The following NALF1 variants were observed in gnomAD, a reference collection of about 807,000 sequenced individuals.
NALF1 encodes the protein family with sequence similarity 155 member A.
In NALF1, 3 loss-of-function variants were observed where a neutral mutation model predicts 48.4. The ratio of observed to expected loss-of-function variants is 0.06; its 90% CI spans 0.03 to 0.16. The LOEUF is 0.16. NALF1 is among the 10% of genes least tolerant of loss of function. The pLI is 1.00. For synonymous variants in NALF1, 262 were observed against 245.7 expected, an observed-to-expected ratio of 1.07 and a Z score of -0.62; for missense variants, 526 against 571.5, an observed-to-expected ratio of 0.92 and a Z score of 0.81.
At chr13:107,654,142 A>T (rs1016635597) in intron 1 of NALF1, among the ~76,000 whole-genome samples, 4 of 152,136 alleles carry the variant, frequency 2.6e-5, no homozygotes, top group African/African-American at 7.2e-5. Flanking sequence ...CATTAGTGAG[A>T]TTATCCAAGA....
chr13:107,263,797 C>G (rs185224359), intron 1 of NALF1, among the ~76,000 whole-genome samples: 78 of 152,286 alleles, frequency 5.1e-4, no homozygotes, highest in Non-Finnish European at 9.6e-4. Flanking sequence ...TGGACTAAGA[C>G]AATGGTCTGT....
chr13:107,846,296 G>A (rs1880170723), intron 1 of NALF1, among the ~76,000 whole-genome samples: 1 of 152,128 alleles, frequency 6.6e-6, no homozygotes, highest in Admixed American at 6.5e-5. Flanking sequence ...TCTGTCAGAC[G>A]GGAGTCTGGA....
At chr13:107,619,955 T>C (rs547266098) in intron 1 of NALF1, among the ~76,000 whole-genome samples, 89 of 152,352 alleles carry the variant, frequency 5.8e-4, no homozygotes, top group African/African-American at 2.1e-3. Flanking sequence ...ATTTCCCTTA[T>C]GAATAGATTA....
rs532840063 is a variant in NALF1 at position 107,738,583 on chromosome 13, C to T, written c.915+127099G>A. 4.7e-3 allele frequency among the ~76,000 whole-genome samples: 711 copies of T among 152,286 alleles called. 5 individuals carry two copies. The highest frequency in any genetic ancestry group is 0.016 in the African/African-American group (647 of 41,568). On this transcript the variant is annotated intron_variant, in intron 1 of 2. Transcript: ENST00000375915. ...TGTAATAAAAGTAGATTATTAAAAA[C>T]TTTCCCCCTTCATTCTTAGAATGGG...
At chr13:107,355,777 T>C in intron 1 of NALF1, among the ~76,000 whole-genome samples, 1 of 152,164 alleles carries the variant, frequency 6.6e-6, no homozygotes, top group Non-Finnish European at 1.5e-5. Context: ...TTAAACCTTT[T>C]CTTCATAAAT....
At chr13:107,496,753 G>A (rs1278128533) in intron 1 of NALF1, among the ~76,000 whole-genome samples, 1 of 152,126 alleles carries the variant, frequency 6.6e-6, no homozygotes, top group Non-Finnish European at 1.5e-5. Context: ...CATGGTGGAA[G>A]GCAAGGAGGA....
chr13:107,784,547 AC>A (rs1878015261), intron 1 of NALF1, among the ~76,000 whole-genome samples: 1 of 150,366 alleles, frequency 6.7e-6, no homozygotes, highest in Non-Finnish European at 1.5e-5. Context: ...TAGGAAAAAA[AC>A]AAACAAACAA....
intron 1 of NALF1, among the ~76,000 whole-genome samples, chr13:107,491,760 T>A (rs1281228312): frequency 6.6e-6 from 1 of 152,122 alleles, no homozygotes; most frequent in Non-Finnish European, 1.5e-5. Context: ...ATTCCATAAG[T>A]CGTTAGTAAA....
intron 1 of NALF1, among the ~76,000 whole-genome samples, chr13:107,250,853 T>A (rs1175644650): frequency 6.6e-6 from 1 of 152,048 alleles, no homozygotes; most frequent in Non-Finnish European, 1.5e-5. Context: ...TTCTCGCTGG[T>A]TGTTTGAAAA....
intron 1 of NALF1, among the ~76,000 whole-genome samples, chr13:107,398,300 A>G (rs2138988950): frequency 6.6e-6 from 1 of 152,178 alleles, no homozygotes; most frequent in Admixed American, 6.5e-5. Context: ...ATGGATTCAG[A>G]AAAAAGATTT....
chr13:107,787,699 G>GA (rs1878115949), intron 1 of NALF1, among the ~76,000 whole-genome samples: 1 of 152,152 alleles, frequency 6.6e-6, no homozygotes, highest in Admixed American at 6.6e-5. Context: ...TATGTTTTTA[G>GA]AAAAAATTAC....
At chr13:107,404,686 T>C (rs1883869527) in intron 1 of NALF1, among the ~76,000 whole-genome samples, 1 of 152,150 alleles carries the variant, frequency 6.6e-6, no homozygotes, top group Non-Finnish European at 1.5e-5. Context: ...GTAGGAATTA[T>C]AAGTTTGCTA....
intron 1 of NALF1, among the ~76,000 whole-genome samples, chr13:107,758,390 T>C (rs1877174643): frequency 6.6e-6 from 1 of 152,208 alleles, no homozygotes. Flanking sequence ...TAAAACCACA[T>C]GCATTATTGT....
intron 1 of NALF1, among the ~76,000 whole-genome samples, chr13:107,445,425 C>G (rs1328295280): frequency 6.6e-6 from 1 of 152,134 alleles, no homozygotes; most frequent in African/African-American, 2.4e-5. Flanking sequence ...CTTTCTATTG[C>G]CTAGTATGGA....
intron 1 of NALF1, among the ~76,000 whole-genome samples, chr13:107,569,998 T>G (rs1015860686): frequency 6.6e-6 from 1 of 152,190 alleles, no homozygotes; most frequent in African/African-American, 2.4e-5. Flanking sequence ...TGTTTCAATT[T>G]GTTCCTTGAT....
chr13:107,770,520 A>G (rs894091697), intron 1 of NALF1, among the ~76,000 whole-genome samples: 7 of 152,258 alleles, frequency 4.6e-5, no homozygotes, highest in Admixed American at 1.3e-4. Context: ...AATACAGTTC[A>G]TAAGTACCTA....
At chr13:107,403,698 G>A (rs9520425) in intron 1 of NALF1, among the ~76,000 whole-genome samples, 3 of 146,326 alleles carry the variant, frequency 2.1e-5, no homozygotes, top group Non-Finnish European at 4.5e-5. Context: ...CAAGGAAATA[G>A]AAGGCCTTCT....
chr13:107,723,405 T>C (rs1421631642), intron 1 of NALF1, among the ~76,000 whole-genome samples: 1 of 152,056 alleles, frequency 6.6e-6, no homozygotes, highest in East Asian at 1.9e-4. Context: ...TGTAACTTCA[T>C]AGTCTTATCA....
chr13:107,223,486 CAT>C (rs1240704540), intron 1 of NALF1, among the ~76,000 whole-genome samples: 3 of 152,082 alleles, frequency 2.0e-5, no homozygotes, highest in African/African-American at 7.2e-5. Flanking sequence ...CATTTTAGAT[CAT>C]GTTATTGTCT....
Sources: gnomAD v4.1 joint callset for allele counts (sites outside exome capture counted in the v4.1 genomes callset) on GRCh38, gnomAD v4.1.1 for gene constraint, MANE v1.5 for transcripts, NCBI Gene and HGNC (gene_info 2026-07-23, HGNC 2026-07-21) for gene names.